The following PDSS2 variants were observed in gnomAD, a reference collection of about 807,000 sequenced individuals.
The protein encoded by PDSS2 is all trans-polyprenyl-diphosphate synthase PDSS2.
In PDSS2, 31 loss-of-function variants were observed where a neutral mutation model predicts 44.5. That is an observed-to-expected ratio of 0.70 (90% CI 0.52 to 0.94). The LOEUF (loss-of-function observed/expected upper bound fraction) is 0.94, where lower values mean the gene tolerates loss of function less well. Among genes scored for constraint, PDSS2 ranks in the 40% least tolerant of loss-of-function variants. The probability of loss-of-function intolerance (pLI) is 0.00; values close to 1 mark genes in which losing one functional copy is unlikely to be tolerated. For synonymous variants in PDSS2, 157 were observed against 180.3 expected (o/e 0.87, Z 1.03); for missense variants, 452 against 482.2 (o/e 0.94, Z 0.59).
intron 7 of PDSS2, among the ~76,000 whole-genome samples, chr6:107,173,669 C>T (rs1467295013): frequency 4.7e-5 from 7 of 148,410 alleles, no homozygotes; most frequent in Admixed American, 4.1e-4. Context: ...CTTCTTATCA[C>T]GTTTCTATGC....
At position 107,263,401 on chromosome 6, in the gene PDSS2, C is replaced by T. The variant is rs535066844; in HGVS notation, c.630+10628G>A. 4.6e-5 allele frequency among the ~76,000 whole-genome samples: 7 copies of T among 150,984 alleles called. No homozygotes were observed. The East Asian group carries it at 5.9e-4, about 13-fold the overall frequency. On this transcript the variant is annotated intron_variant, in intron 3 of 7. Transcript: ENST00000369037. ...CCAGGGGGCAGAGTTTGCAGTGAGC[C>T]GAGACTGAGCCACTGCACTCCAGCC...
chr6:107,211,225 C>T (rs1343888709), intron 5 of PDSS2, among the ~76,000 whole-genome samples: 3 of 151,446 alleles, frequency 2.0e-5, no homozygotes, highest in Non-Finnish European at 4.4e-5. Flanking sequence ...TATATTCCCC[C>T]CCTTATGAAC....
At chr6:107,396,394 A>C (rs182812892) in intron 1 of PDSS2, among the ~76,000 whole-genome samples, 1 of 152,178 alleles carries the variant, frequency 6.6e-6, no homozygotes, top group Admixed American at 6.5e-5. Flanking sequence ...AAGCCAAGAC[A>C]ATCATAGAGT....
At chr6:107,264,386 C>G (rs780207622) in intron 3 of PDSS2, 2 of 1,545,010 alleles carry the variant, frequency 1.3e-6, no homozygotes, top group African/African-American at 1.4e-5. Flanking sequence ...GTATAAATCA[C>G]TAATGCTTAA....
chr6:107,212,469 T>A (rs1773254620), intron 4 of PDSS2, among the ~76,000 whole-genome samples, 187 bp from the exon 5 acceptor site: 1 of 152,244 alleles, frequency 6.6e-6, no homozygotes, highest in African/African-American at 2.4e-5. Flanking sequence ...AACTGCTTTT[T>A]TATGGTAATA....
At chr6:107,359,291 C>T (rs897537448) in intron 1 of PDSS2, among the ~76,000 whole-genome samples, 2 of 151,734 alleles carry the variant, frequency 1.3e-5, no homozygotes, top group African/African-American at 2.4e-5. Flanking sequence ...GGATTACGGG[C>T]ATGAGCCGCC....
At chr6:107,264,585 A>G (rs1775352059) in intron 3 of PDSS2, 1 of 958,904 alleles carries the variant, frequency 1.0e-6, no homozygotes, top group Non-Finnish European at 1.6e-6. Flanking sequence ...TATGTAAAGT[A>G]AAAGACTTTT....
intron 4 of PDSS2, among the ~76,000 whole-genome samples, chr6:107,215,687 A>G (rs1448706615): frequency 6.6e-6 from 1 of 152,214 alleles, no homozygotes; most frequent in Admixed American, 6.5e-5. Flanking sequence ...TATAAACTAG[A>G]AGATAATTCA....
At position 107,279,803 on chromosome 6, in the gene PDSS2, C is replaced by T. The variant is rs144280894; in HGVS notation, c.432-5576G>A. Among the ~76,000 whole-genome samples the T allele has an allele frequency of 4.5e-4, 68 of 152,240 alleles. 2 individuals carry two copies. The East Asian group carries it at 0.013, about 28-fold the overall frequency. ...TAATTTCACTCTCTAGTACTGTGCTCTCAGATTCTAAGATTTTATCACCAG... is the reference window on the plus strand; with the variant it reads ...TAATTTCACTCTCTAGTACTGTGCTTTCAGATTCTAAGATTTTATCACCAG... On this transcript the variant is annotated intron_variant, in intron 2 of 7. Transcript: ENST00000369037.
chr6:107,373,651 C>G (rs1056229916), intron 1 of PDSS2, among the ~76,000 whole-genome samples: 1 of 152,134 alleles, frequency 6.6e-6, no homozygotes, highest in African/African-American at 2.4e-5. Flanking sequence ...AAGAAGTAAC[C>G]CTTTTTCTTC....
At chr6:107,398,082 G>A (rs1780002651) in intron 1 of PDSS2, among the ~76,000 whole-genome samples, 1 of 152,114 alleles carries the variant, frequency 6.6e-6, no homozygotes, top group African/African-American at 2.4e-5. Context: ...TAACCTTTAA[G>A]AAACTACCAC....
intron 2 of PDSS2, among the ~76,000 whole-genome samples, chr6:107,286,230 G>A (rs112787133): frequency 0.02 from 3,012 of 152,104 alleles, 107 homozygotes; most frequent in African/African-American, 0.07. Context: ...ACCATAGGCT[G>A]GGCGCAGTGG....
At chr6:107,191,194 A>G (rs1196710271) in intron 7 of PDSS2, among the ~76,000 whole-genome samples, 1 of 152,082 alleles carries the variant, frequency 6.6e-6, no homozygotes, top group Non-Finnish European at 1.5e-5. Flanking sequence ...CCCGGCCTAG[A>G]GCAATGAAGG....
intron 2 of PDSS2, among the ~76,000 whole-genome samples, chr6:107,323,513 A>G (rs1358365060): frequency 6.6e-6 from 1 of 152,186 alleles, no homozygotes; most frequent in African/African-American, 2.4e-5. Context: ...AACTTACTTA[A>G]GGTCAAATAG....
At chr6:107,287,787 C>T (rs1451332018) in intron 2 of PDSS2, among the ~76,000 whole-genome samples, 2 of 152,330 alleles carry the variant, frequency 1.3e-5, no homozygotes, top group South Asian at 2.1e-4. Flanking sequence ...TCCCAAAGTG[C>T]TGGGATCACA....
At chr6:107,340,096 T>C (rs1266673781) in intron 1 of PDSS2, among the ~76,000 whole-genome samples, 2 of 150,614 alleles carry the variant, frequency 1.3e-5, no homozygotes, top group Non-Finnish European at 3.0e-5. Flanking sequence ...GTACCAAACC[T>C]AAAATAATGT....
intron 4 of PDSS2, among the ~76,000 whole-genome samples, chr6:107,212,824 A>G (rs1773267072): frequency 7.6e-6 from 1 of 130,788 alleles, no homozygotes; most frequent in South Asian, 2.9e-4. Flanking sequence ...TGGGCAACAT[A>G]GCAAGACTCT....
intron 1 of PDSS2, among the ~76,000 whole-genome samples, chr6:107,414,040 A>G (rs1780586999): frequency 6.6e-6 from 1 of 152,284 alleles, no homozygotes; most frequent in South Asian, 2.1e-4. Context: ...AAGAAAAAAG[A>G]AACTGTCAAA....
At chr6:107,405,022 A>G (rs1467627723) in intron 1 of PDSS2, among the ~76,000 whole-genome samples, 2 of 152,146 alleles carry the variant, frequency 1.3e-5, no homozygotes, top group Non-Finnish European at 2.9e-5. Context: ...AAAATCCTAA[A>G]ATCAGCAAGA....
Sources: gnomAD v4.1 joint callset for allele counts (sites outside exome capture counted in the v4.1 genomes callset) on GRCh38, gnomAD v4.1.1 for gene constraint, MANE v1.5 for transcripts, NCBI Gene and HGNC (gene_info 2026-07-23, HGNC 2026-07-21) for gene names.